Variants in EZR observed in about 807,000 individuals in gnomAD.
EZR encodes cytovillin 2.
EZR carries 40 observed loss-of-function variants against 74.8 expected under a neutral mutation model. The observed-to-expected ratio is 0.53, with a 90% CI of 0.42 to 0.70. EZR has a LOEUF of 0.70. EZR is among the 30% of genes least tolerant of loss of function. The pLI is 0.00. For missense variants in EZR, 678 were observed against 755.8 expected (o/e 0.90, Z 1.21); for synonymous variants, 341 against 283.3 (o/e 1.20, Z -2.05).
intron 2 of EZR, among the ~76,000 whole-genome samples, chr6:158,798,233 A>ACATTT (rs1562501798): frequency 7.1e-6 from 1 of 141,824 alleles, no homozygotes; most frequent in Non-Finnish European, 1.6e-5. Context: ...CAGGTGATGG[A>ACATTT]CATTTAACTT....
At chr6:158,785,006 AATAAAAACAGATTTC>A (rs1197819763) in intron 5 of EZR, among the ~76,000 whole-genome samples, 1 of 152,198 alleles carries the variant, frequency 6.6e-6, no homozygotes, top group African/African-American at 2.4e-5. Flanking sequence ...ACCATTACTA[AATAAAAACAGATTTC>A]ACAGGGGCAA....
At chr6:158,804,979 G>A (rs2128575322) in intron 2 of EZR, among the ~76,000 whole-genome samples, 1 of 133,502 alleles carries the variant, frequency 7.5e-6, no homozygotes, top group African/African-American at 2.9e-5. Context: ...TGATCTCATT[G>A]TTCAATTCCC....
chr6:158,785,500 C>T lies in EZR; in HGVS notation c.276G>A (p.Glu92=), dbSNP rs1450399719. Residue 92 remains glutamate, a synonymous_variant, in exon 5 of 14, where the codon GAG becomes GAA. Transcript: ENST00000367075. ...GTTTCTGGGTGATGTCCTGGATGAG[C>T]TCCTCAGCCACATCTTCAGGGTAGA... ...AKFYPEDVAE[E]LIQDITQKLF... is the part of the protein sequence containing the mutation. 9 of 1,614,066 alleles carry T rather than the reference C, an allele frequency of 5.6e-6. No homozygotes were observed. Among genetic ancestry groups the T allele is most frequent in the Admixed American group, 1.7e-5 (1 of 60,006 alleles).
intron 2 of EZR, among the ~76,000 whole-genome samples, chr6:158,801,835 CAA>C (rs1382576157): frequency 6.6e-6 from 1 of 152,212 alleles, no homozygotes; most frequent in Non-Finnish European, 1.5e-5. Flanking sequence ...ACATGACGCA[CAA>C]AAGTCACTGG....
At chr6:158,784,382 A>G (rs943346483) in intron 6 of EZR, among the ~76,000 whole-genome samples, 1 of 152,240 alleles carries the variant, frequency 6.6e-6, no homozygotes, top group Non-Finnish European at 1.5e-5. Flanking sequence ...TGAAGTTTAG[A>G]CACAACACTT....
Position 158,783,772 on chromosome 6 carries a change from C to A in EZR, c.552-106G>T, listed in dbSNP as rs1026772914. ...ATTAAGGCGCCTTGTGTAGGATGGGCTCAATGCTGTGTGCTGCGTGCAGGC... is the reference window on the plus strand; with the variant it reads ...ATTAAGGCGCCTTGTGTAGGATGGGATCAATGCTGTGTGCTGCGTGCAGGC... On this transcript the variant is annotated intron_variant, in intron 6 of 13. Transcript: ENST00000367075. 1.3e-5 allele frequency: 16 copies of A among 1,244,276 alleles called. No individual in the cohort carries two copies. In the Admixed American group the frequency reaches 2.8e-4, roughly 21 times the overall value. The allele number at this position is 1,244,276 out of a possible 1,614,324, so 77.1% of individuals were successfully genotyped here. A position where few individuals can be genotyped will look rare whatever the true frequency, so the allele number is the denominator to read the frequency against.
At chr6:158,781,288 G>A (rs1791425666) in intron 7 of EZR, among the ~76,000 whole-genome samples, 1 of 152,122 alleles carries the variant, frequency 6.6e-6, no homozygotes. Context: ...TTTTCATGAA[G>A]AGAGGGGTGT....
rs1452593487 is a variant in EZR at position 158,784,652 on chromosome 6, C to A, written c.543G>T (p.Gly181=). 1.2e-6 allele frequency: 2 copies of A among 1,613,960 alleles called. No individual in the cohort carries two copies. The highest frequency in any genetic ancestry group is 1.7e-6 in the Non-Finnish European group (2 of 1,179,928). Residue 181 remains glycine, a synonymous_variant, in exon 6 of 14, where the codon GGG becomes GGT. Coordinates refer to ENST00000367075, the MANE Select transcript of EZR (RefSeq NM_001111077.2). The part of the protein sequence containing the change: ...RIQVWHAEHR[G]MLKDNAMLEY... ...CAGGGCACAGCACTCACTTGAGCAT[C>A]CCACGGTGTTCCGCATGCCACACCT... is the stretch of plus-strand genomic sequence containing the variant.
At chr6:158,794,404 C>T (rs1367177905) in intron 2 of EZR, among the ~76,000 whole-genome samples, 1 of 152,086 alleles carries the variant, frequency 6.6e-6, no homozygotes, top group African/African-American at 2.4e-5. Context: ...GTTAGGTTTC[C>T]CTCATCAGCA....
rs1350784415 is a variant in EZR at position 158,767,446 on chromosome 6, G to A, written c.1411C>T (p.Pro471Ser). Residue 471 changes from proline to serine, a missense_variant, in exon 13 of 14, where the codon CCG becomes TCG. Transcript: ENST00000367075. ...TCGTACACGGGGGGTGGTGGGGGCG[G>A]GGGTGCTGTCATCACCAGGTGCAGC... ...EELHLVMTAP[P>S]PPPPPVYEPV... is the part of the protein sequence containing the mutation. 6.2e-7 allele frequency: 1 copy of A among 1,612,802 alleles called. No homozygotes were observed. Among genetic ancestry groups the A allele is most frequent in the Non-Finnish European group, 8.5e-7 (1 of 1,179,216 alleles).
At chr6:158,811,438 C>G (rs923679637) in intron 2 of EZR, among the ~76,000 whole-genome samples, 2 of 151,732 alleles carry the variant, frequency 1.3e-5, no homozygotes, top group Admixed American at 1.3e-4. Context: ...TATATCAAAC[C>G]ACCCTAAGAA....
intron 2 of EZR, among the ~76,000 whole-genome samples, chr6:158,793,622 G>C (rs777062044): frequency 6.6e-6 from 1 of 152,112 alleles, no homozygotes; most frequent in East Asian, 1.9e-4. Flanking sequence ...TATTCATTCT[G>C]CAAGACTATC....
At chr6:158,816,489 G>A (rs1242223515) in intron 2 of EZR, among the ~76,000 whole-genome samples, 6 of 152,108 alleles carry the variant, frequency 3.9e-5, no homozygotes, top group African/African-American at 1.4e-4. Flanking sequence ...CACCCAGAAG[G>A]GTAATCTTCT....
At chr6:158,787,049 T>C in intron 4 of EZR, 59 bp downstream of exon 4, 1 of 1,361,244 alleles carries the variant, frequency 7.3e-7, no homozygotes, top group South Asian at 1.2e-5. Context: ...CCAGTTTCCT[T>C]ATCGATGAAG....
chr6:158,770,676 TCCTG>T (rs538733610), intron 10 of EZR, 84 bp downstream of exon 10: 81 of 1,509,568 alleles, frequency 5.4e-5, no homozygotes, highest in Non-Finnish European at 6.9e-5. Flanking sequence ...TTGGTTTCCT[TCCTG>T]GTGAGTGGGT....
chr6:158,819,131 G>A lies in EZR; in HGVS notation c.-74+186C>T, dbSNP rs866044992. On this transcript the variant is annotated intron_variant, in intron 1 of 13. Transcript: ENST00000367075. ...GACCTGAGGGGACCCGGCGCCGAGG[G>A]GAAGGTCGCGGGGCCGCGGGCCGGC... Among the ~76,000 whole-genome samples, 437 of 151,884 alleles carry A rather than the reference G, an allele frequency of 2.9e-3. 2 individuals are homozygous for A. Among genetic ancestry groups the A allele is most frequent in the African/African-American group, 0.01 (418 of 41,500 alleles).
intron 1 of EZR, 164 bp from the exon 2 acceptor site, chr6:158,818,330 G>C (rs1354529146): frequency 1.2e-5 from 3 of 246,148 alleles, no homozygotes; most frequent in Non-Finnish European, 2.2e-5. Flanking sequence ...GAGGGGGCAC[G>C]GGCGGGGCGG....
chr6:158,784,560 T>TAGCTTTA, intron 6 of EZR, 84 bp downstream of exon 6: 1 of 1,258,652 alleles, frequency 7.9e-7, no homozygotes, highest in Non-Finnish European at 1.2e-6. Flanking sequence ...CAGAGCCCTT[T>TAGCTTTA]AAAGCACTAA....
intron 4 of EZR, among the ~76,000 whole-genome samples, chr6:158,786,400 A>AGTAC (rs1370590365): frequency 6.6e-6 from 1 of 152,210 alleles, no homozygotes; most frequent in Non-Finnish European, 1.5e-5. Context: ...AAAACAAACA[A>AGTAC]GTACTATCAC....
Sources: allele counts gnomAD v4.1 joint callset (sites outside exome capture counted in the v4.1 genomes callset), GRCh38; gene constraint gnomAD v4.1.1; transcripts MANE v1.5; gene names NCBI Gene and HGNC (gene_info 2026-07-23, HGNC 2026-07-21).